OR8D1: variants seen among roughly 807,000 people sequenced by gnomAD.
OR8D1 encodes olfactory receptor family 8 subfamily D member 1.
For synonymous variants in OR8D1, 143 were observed against 147.0 expected, an observed-to-expected ratio of 0.97 and a Z score of 0.20; for missense variants, 384 against 366.8, an observed-to-expected ratio of 1.05 and a Z score of -0.38.
rs747648114 is a variant in OR8D1, at chr11:124,310,632, C to T, written c.135G>A (p.Met45Ile). ...YVVTVVGNLG[M>I]ILLIAVSPLL... ...GAGGGCTGACTGCAATCAGGAGAAT[C>T]ATGCCCAGGTTGCCCACTACTGTGA... The change falls in exon 3 of 3, where the codon ATG (methionine) becomes ATA (isoleucine). Residue 45 changes from methionine (M) to isoleucine (I), a missense_variant. By Grantham distance (10) the Met-to-Ile change is conservative. Transcript: ENST00000641015. 1.9e-6 allele frequency: 3 copies of T among 1,613,830 alleles called. No homozygotes were observed. In the South Asian group the frequency reaches 3.3e-5, roughly 18 times the overall value.
rs1294199603 is a variant in OR8D1 at position 124,307,763 on chromosome 11, TCA to T, written c.*2075_*2076del. 1.3e-5 allele frequency: 2 copies of T among 152,116 alleles called. No homozygotes were observed. Among genetic ancestry groups the T allele is most frequent in the East Asian group, 1.9e-4 (1 of 5,184 alleles). The allele number at this position is 152,116 out of a possible 1,614,324, so 9.4% of individuals were successfully genotyped here. A position where few individuals can be genotyped will look rare whatever the true frequency, so the allele number is the denominator to read the frequency against. On this transcript the variant is annotated 3_prime_UTR_variant, in exon 3 of 3. Transcript: ENST00000641015. ...GGGATGGGATAATAATTGGTTATTT[TCA>T]CAGTTTTCCAGCTTGTCCACATGCT... is the stretch of plus-strand genomic sequence containing the variant.
rs1439212406 is a variant in OR8D1, at chr11:124,305,677, A to G, written c.*4163T>C. 4 of 151,916 alleles carry G rather than the reference A, an allele frequency of 2.6e-5. No individual in the cohort carries two copies. Among genetic ancestry groups the G allele is most frequent in the African/African-American group, 9.7e-5 (4 of 41,418 alleles). The allele number at this position is 151,916 out of a possible 1,614,324, so 9.4% of individuals were successfully genotyped here. On this transcript the variant is annotated 3_prime_UTR_variant, in exon 3 of 3. Transcript: ENST00000641015. The stretch of plus-strand genomic sequence containing the variant: ...CTTGGTGCATTTTCTGTGTATACAT[A>G]TATAAAATTCATTAAAATGCAGTGG...
At position 124,306,980 on chromosome 11, in the gene OR8D1, T is replaced by C. The variant is rs1862374060; in HGVS notation, c.*2860A>G. Reference sequence around the variant, plus strand: ...GTTAGCATATTTTAGAAACAATATATCCTTGGTTATCCTTGCCTATGAAAT... The same window carrying C: ...GTTAGCATATTTTAGAAACAATATACCCTTGGTTATCCTTGCCTATGAAAT... On this transcript the variant is annotated 3_prime_UTR_variant, in exon 3 of 3. Transcript: ENST00000641015. The C allele has an allele frequency of 6.6e-6, 1 of 152,080 alleles. No individual in the cohort carries two copies. Among genetic ancestry groups the C allele is most frequent in the African/African-American group, 2.4e-5 (1 of 41,428 alleles). The allele number at this position is 152,080 out of a possible 1,614,324, so 9.4% of individuals were successfully genotyped here.
In OR8D1 at chr11:124,309,673, A is replaced by T. The variant is rs1472521872; in HGVS notation, c.*167T>A. 7 of 407,698 alleles carry T rather than the reference A, an allele frequency of 1.7e-5. No individual in the cohort carries two copies. Among genetic ancestry groups the T allele is most frequent in the Non-Finnish European group, 3.0e-5 (7 of 232,960 alleles). 25.3% of individuals were successfully genotyped at this position (407,698 alleles called of 1,614,324 possible). A position where few individuals can be genotyped will look rare whatever the true frequency, so the allele number is the denominator to read the frequency against. The stretch of plus-strand genomic sequence containing the variant: ...AAGAATGTTAATACCTGCTTTACAC[A>T]ATTCTTTTATTTTGTTGAGAAAGTT... On this transcript the variant is annotated 3_prime_UTR_variant, in exon 3 of 3. Coordinates refer to ENST00000641015, the MANE Select transcript of OR8D1 (RefSeq NM_001002917.2).
In OR8D1 at chr11:124,310,220, G is replaced by A. The variant is rs773542872; in HGVS notation, c.547C>T (p.Pro183Ser). ...IINHYFCDVL[P>S]LLNLSCSNTH... is the part of the protein sequence containing the mutation. ...TTGGAGCAGGAGAGATTGAGGAGGG[G>A]AAGAACATCACAGAAGTAATGGTTG... The change falls in exon 3 of 3, where the codon CCC (proline) becomes TCC (serine). Residue 183 changes from proline to serine, a missense_variant. Transcript: ENST00000641015. The A allele has an allele frequency of 1.7e-5, 27 of 1,613,716 alleles. No individual in the cohort carries two copies. The highest frequency in any genetic ancestry group is 2.2e-5 in the Non-Finnish European group (26 of 1,179,930).
chr11:124,307,221 T>C lies in OR8D1; in HGVS notation c.*2619A>G, dbSNP rs1212388133. The C allele has an allele frequency of 7.5e-6, 1 of 133,898 alleles. No individual in the cohort carries two copies. Among genetic ancestry groups the C allele is most frequent in the Non-Finnish European group, 1.7e-5 (1 of 57,610 alleles). 8.3% of individuals were successfully genotyped at this position (133,898 alleles called of 1,614,324 possible). On this transcript the variant is annotated 3_prime_UTR_variant, in exon 3 of 3. Transcript: ENST00000641015. ...AAGTGTACTTACAAGTTTGGGACTT[T>C]CCATGAGGAGAGAGGATTTTGACCT...
intron 1 of OR8D1, among the ~76,000 whole-genome samples, chr11:124,312,969 T>A (rs966229311): frequency 5.3e-5 from 8 of 150,202 alleles, no homozygotes; most frequent in Non-Finnish European, 8.9e-5. Flanking sequence ...AAATCAGGAG[T>A]TCAAGATTAG....
intron 1 of OR8D1, 150 bp from the exon 2 acceptor site, chr11:124,311,826 A>G (rs1008541121): frequency 6.6e-5 from 10 of 152,168 alleles, no homozygotes; most frequent in African/African-American, 2.4e-4. Flanking sequence ...TATTCATTTA[A>G]GGCTCCAAAT....
rs1047175150 is a variant in OR8D1 at position 124,305,179 on chromosome 11, A to C, written c.*4661T>G. ...GAAAATAATAAAGATAGACAATAGA[A>C]TATAGGGTACAAAGTAGGTCCCTAT... On this transcript the variant is annotated 3_prime_UTR_variant, in exon 3 of 3. Coordinates refer to ENST00000641015, the MANE Select transcript of OR8D1 (RefSeq NM_001002917.2). 3 of 151,962 alleles carry C rather than the reference A, an allele frequency of 2.0e-5. No homozygotes were observed. The highest frequency in any genetic ancestry group is 2.9e-5 in the Non-Finnish European group (2 of 67,916). The allele number at this position is 151,962 out of a possible 1,614,324, so 9.4% of individuals were successfully genotyped here.
intron 1 of OR8D1, among the ~76,000 whole-genome samples, chr11:124,312,514 C>CTT (rs1173349010): frequency 1.4e-5 from 2 of 138,458 alleles, no homozygotes; most frequent in Non-Finnish European, 3.0e-5. Flanking sequence ...TTCTTTCTTT[C>CTT]TTTCTTTTTT....
At position 124,303,171 on chromosome 11, in the gene OR8D1, C is replaced by T. The variant is rs887429209; in HGVS notation, c.*6669G>A. On this transcript the variant is annotated 3_prime_UTR_variant, in exon 3 of 3. Coordinates refer to ENST00000641015, the MANE Select transcript of OR8D1 (RefSeq NM_001002917.2). ...CTTACAATCATAGCAGAAGGGAACG[C>T]AGGCACATCTCACATGGCGGGAGGT... is the stretch of plus-strand genomic sequence containing the variant. The T allele has an allele frequency of 6.6e-6, 1 of 152,194 alleles. No homozygotes were observed. Among genetic ancestry groups the T allele is most frequent in the Non-Finnish European group, 1.5e-5 (1 of 68,094 alleles). The allele number at this position is 152,194 out of a possible 1,614,324, so 9.4% of individuals were successfully genotyped here.
intron 2 of OR8D1, 24 bp from the exon 3 acceptor site, chr11:124,310,806 T>G: frequency 6.7e-7 from 1 of 1,486,604 alleles, no homozygotes; most frequent in Non-Finnish European, 9.2e-7. Context: ...AAGTATGAAT[T>G]ACCTTAACAT....
rs1266176339 is a variant in OR8D1, at chr11:124,309,366, CTTTTCTTTTCTT to C, written c.*462_*473del. 5.3e-5 allele frequency: 8 copies of C among 151,668 alleles called. No homozygotes were observed. The highest frequency in any genetic ancestry group is 1.3e-4 in the Admixed American group (2 of 15,208). 9.4% of individuals were successfully genotyped at this position (151,668 alleles called of 1,614,324 possible). Reference sequence around the variant, plus strand: ...TTTTTCTTTTCTTTTCTATTCTTTCCTTTTCTTTTCTTTTTTCTTTTCTTTTCTGTTCTTTTC... The same window carrying C: ...TTTTTCTTTTCTTTTCTATTCTTTCCTTTTCTTTTCTTTTCTGTTCTTTTC... On this transcript the variant is annotated 3_prime_UTR_variant, in exon 3 of 3. Coordinates refer to ENST00000641015, the MANE Select transcript of OR8D1 (RefSeq NM_001002917.2).
rs188354092 is a variant in OR8D1 at position 124,312,557 on chromosome 11, G to A, written c.-121-881C>T. Among the ~76,000 whole-genome samples, 222 of 138,204 alleles carry A rather than the reference G, an allele frequency of 1.6e-3. 1 individual carries two copies. Among genetic ancestry groups the A allele is most frequent in the Admixed American group, 3.9e-3 (51 of 13,076 alleles). 90.7% of individuals were successfully genotyped at this position (138,204 alleles called of 152,430 possible). On this transcript the variant is annotated intron_variant, in intron 1 of 2. Transcript: ENST00000641015. ...TTTTGAGATAGAGTTTTGCTCTGTC[G>A]CCCAGGCTGGAGTGCAATGGCGCCA...
rs1401048140 is a variant in OR8D1 at position 124,303,631 on chromosome 11, G to A, written c.*6209C>T. 2.0e-5 allele frequency: 3 copies of A among 151,872 alleles called. No individual in the cohort carries two copies. The highest frequency in any genetic ancestry group is 6.6e-5 in the Admixed American group (1 of 15,226). The allele number at this position is 151,872 out of a possible 1,614,324, so 9.4% of individuals were successfully genotyped here. The stretch of plus-strand genomic sequence containing the variant: ...ATTTGTAGCTTGCCTTTAGCTTTAT[G>A]TATGATGCCTTTTATTGTAAAGTTT... On this transcript the variant is annotated 3_prime_UTR_variant, in exon 3 of 3. Coordinates refer to ENST00000641015, the MANE Select transcript of OR8D1 (RefSeq NM_001002917.2).
Position 124,311,621 on chromosome 11 carries a change from G to T in OR8D1, c.-66C>A, listed in dbSNP as rs2512295. 22,524 of 152,240 alleles carry T rather than the reference G, an allele frequency of 0.15. 1,771 individuals are homozygous for T. The highest frequency in any genetic ancestry group is 0.31 in the South Asian group (1,468 of 4,806). 9.4% of individuals were successfully genotyped at this position (152,240 alleles called of 1,614,324 possible). ...TCTGAAGGTGTCTGAGAAGAATGTT[G>T]CTATGGGTGTAAATCTTGAACTTTC... On this transcript the variant is annotated 5_prime_UTR_variant, in exon 2 of 3. Coordinates refer to ENST00000641015, the MANE Select transcript of OR8D1 (RefSeq NM_001002917.2).
chr11:124,305,897 ACATATCAGTATCATTTAT>A lies in OR8D1; in HGVS notation c.*3925_*3942del, dbSNP rs1862365183. 6.6e-6 allele frequency: 1 copy of A among 151,966 alleles called. No individual in the cohort carries two copies. The highest frequency in any genetic ancestry group is 2.1e-4 in the South Asian group (1 of 4,836). The allele number at this position is 151,966 out of a possible 1,614,324, so 9.4% of individuals were successfully genotyped here. ...ACGGATTTTTCATTCAAGCCGTCAT[ACATATCAGTATCATTTAT>A]CATGCCCGTCTTCTTAACTTACTAT... On this transcript the variant is annotated 3_prime_UTR_variant, in exon 3 of 3. Coordinates refer to ENST00000641015, the MANE Select transcript of OR8D1 (RefSeq NM_001002917.2).
chr11:124,313,138 C>T (rs927905331), intron 1 of OR8D1, among the ~76,000 whole-genome samples: 1 of 150,518 alleles, frequency 6.6e-6, no homozygotes, highest in African/African-American at 2.5e-5. Context: ...CGTGACACTG[C>T]ACTCCAGCGC....
chr11:124,310,662 A>G lies in OR8D1; in HGVS notation c.105T>C (p.Tyr35=). The change falls in exon 3 of 3, where the codon TAT becomes TAC. Residue 35 remains tyrosine (Y), a synonymous_variant. Coordinates refer to ENST00000641015, the MANE Select transcript of OR8D1 (RefSeq NM_001002917.2). ...LPLFLLFLGI[Y]VVTVVGNLGM... ...CCAGGTTGCCCACTACTGTGACCACATAGATTCCCAGGAACAGGAGGAAGA... is the reference window on the plus strand; with the variant it reads ...CCAGGTTGCCCACTACTGTGACCACGTAGATTCCCAGGAACAGGAGGAAGA... 6.2e-7 allele frequency: 1 copy of G among 1,614,004 alleles called. No individual in the cohort carries two copies. The highest frequency in any genetic ancestry group is 8.5e-7 in the Non-Finnish European group (1 of 1,179,884).
Sources: allele counts gnomAD v4.1 joint callset (sites outside exome capture counted in the v4.1 genomes callset), GRCh38; gene constraint gnomAD v4.1.1; transcripts MANE v1.5; gene names NCBI Gene and HGNC (gene_info 2026-07-23, HGNC 2026-07-21).